Variants in KY observed in about 807,000 individuals in gnomAD.
KY encodes the protein kyphoscoliosis peptidase.
In KY, 43 loss-of-function variants were observed where a neutral mutation model predicts 76.1. The ratio of observed to expected loss-of-function variants is 0.57; its 90% confidence interval spans 0.44 to 0.73. The LOEUF (loss-of-function observed/expected upper bound fraction) is 0.73, where lower values mean the gene tolerates loss of function less well. KY is among the 30% of genes least tolerant of loss of function. KY has a pLI of 0.00. For synonymous variants in KY, 277 were observed against 326.2 expected (o/e 0.85, Z 1.63); for missense variants, 722 against 828.9 (o/e 0.87, Z 1.58).
intron 6 of KY, among the ~76,000 whole-genome samples, chr3:134,622,853 G>A (rs931746717): frequency 2.6e-5 from 4 of 152,050 alleles, no homozygotes; most frequent in African/African-American, 9.7e-5. Context: ...CCAGCTTGAG[G>A]GTACTCCAGG....
At chr3:134,607,990 C>T in intron 10 of KY, 1 of 1,029,092 alleles carries the variant, frequency 9.7e-7, no homozygotes, top group Non-Finnish European at 1.2e-6. Context: ...TGTCTAGCTA[C>T]TAGGCCTGTT....
intron 7 of KY, 78 bp downstream of exon 7, chr3:134,620,671 A>C (rs1560116131): frequency 2.0e-6 from 2 of 1,004,366 alleles, no homozygotes; most frequent in Non-Finnish European, 3.1e-6. Flanking sequence ...GCACACGTGA[A>C]TAAGCTGATA....
At chr3:134,629,925 G>A (rs971465668) in intron 3 of KY, among the ~76,000 whole-genome samples, 3 of 152,298 alleles carry the variant, frequency 2.0e-5, no homozygotes, top group Non-Finnish European at 4.4e-5. Flanking sequence ...CCCACTGAAT[G>A]CAATTATAAA....
rs188355343 is a variant in KY at position 134,635,179 on chromosome 3, C to T, written c.263-5484G>A. The stretch of plus-strand genomic sequence containing the variant: ...GTCCTTCAATGAGTGAATGGATAAA[C>T]AACCTGTGGTACATCCATATCAAGA... On this transcript the variant is annotated intron_variant, in intron 3 of 10. Transcript: ENST00000423778. 2.3e-3 allele frequency among the ~76,000 whole-genome samples: 344 copies of T among 152,296 alleles called. 2 individuals are homozygous for T. The highest frequency in any genetic ancestry group is 3.0e-3 in the Non-Finnish European group (201 of 68,024).
rs1054005681 is a variant in KY at position 134,607,741 on chromosome 3, A to G, written c.1090+908T>C. 6.1e-6 allele frequency: 6 copies of G among 985,634 alleles called. No individual in the cohort carries two copies. In the African/African-American group the frequency reaches 1.0e-4, roughly 17 times the overall value. The allele number at this position is 985,634 out of a possible 1,614,324, so 61.1% of individuals were successfully genotyped here. A position where few individuals can be genotyped will look rare whatever the true frequency, so the allele number is the denominator to read the frequency against. ...CTCAGCTGCCATGGCTCCGTGGTGA[A>G]GGTTGGGAGAGCACATGTCAGCCCA... On this transcript the variant is annotated intron_variant, in intron 10 of 10. Coordinates refer to ENST00000423778, the MANE Select transcript of KY (RefSeq NM_178554.6).
chr3:134,610,418 C>A, intron 8 of KY, 35 bp from the exon 9 acceptor site: 1 of 1,580,888 alleles, frequency 6.3e-7, no homozygotes, highest in South Asian at 1.1e-5. Flanking sequence ...GAGGGGGATC[C>A]CGCTGTGGCT....
chr3:134,625,258 G>T, intron 5 of KY, 123 bp from the exon 6 acceptor site: 1 of 767,122 alleles, frequency 1.3e-6, no homozygotes, highest in Non-Finnish European at 2.2e-6. Flanking sequence ...CTCAAAGCCT[G>T]AAACATTGAG....
chr3:134,613,555 A>G (rs139625205), intron 8 of KY, among the ~76,000 whole-genome samples: 82 of 152,358 alleles, frequency 5.4e-4, no homozygotes, highest in South Asian at 4.1e-3. Flanking sequence ...TATCATGGGC[A>G]GAGAGAAATG....
At position 134,619,261 on chromosome 3, in the gene KY, A is replaced by G; in HGVS notation, c.597T>C (p.Tyr199=). The G allele has an allele frequency of 6.2e-7, 1 of 1,612,834 alleles. No individual in the cohort carries two copies. Among genetic ancestry groups the G allele is most frequent in the Non-Finnish European group, 8.5e-7 (1 of 1,178,832 alleles). The change falls in exon 8 of 11, where the codon TAT becomes TAC. Residue 199 remains tyrosine (Y), a synonymous_variant. Transcript: ENST00000423778. ...CCTTCTCCTGAGCAGCTGCAATGTC[A>G]TACTCTATAGGGCAGGTGAGGGGAT... is the stretch of plus-strand genomic sequence containing the variant. ...IWIWICHHIE[Y]DIAAAQEKDR... is the part of the protein sequence containing the mutation.
chr3:134,618,295 G>A (rs1679816527), intron 8 of KY, among the ~76,000 whole-genome samples: 1 of 152,166 alleles, frequency 6.6e-6, no homozygotes, highest in Non-Finnish European at 1.5e-5. Context: ...CTGCCTGCCT[G>A]TGGACTAAGT....
At chr3:134,642,054 G>A (rs943663004) in intron 3 of KY, among the ~76,000 whole-genome samples, 1 of 152,150 alleles carries the variant, frequency 6.6e-6, no homozygotes, top group African/African-American at 2.4e-5. Flanking sequence ...GCCCACAGAG[G>A]TCTCTAAGGC....
chr3:134,608,919 A>G, intron 9 of KY, 80 bp from the exon 10 acceptor site: 6 of 1,488,352 alleles, frequency 4.0e-6, no homozygotes, highest in Non-Finnish European at 4.5e-6. Flanking sequence ...GAGTGGTCCT[A>G]TGGACACCCT....
At chr3:134,640,053 G>A in intron 3 of KY, 1 of 150,120 alleles carries the variant, frequency 6.7e-6, no homozygotes, top group East Asian at 2.0e-4. Context: ...ACCCACTACA[G>A]ATCCATCTCC....
At chr3:134,619,318 A>T (rs1264979900) in intron 7 of KY, 53 bp from the exon 8 acceptor site, 20 of 1,346,330 alleles carry the variant, frequency 1.5e-5, no homozygotes, top group Non-Finnish European at 2.1e-5. Context: ...AGGCGAGAAG[A>T]CTCCACCCCA....
In KY at chr3:134,620,862, G is replaced by A. The variant is rs1240955455; in HGVS notation, c.484-5C>T. 6.3e-7 allele frequency: 1 copy of A among 1,592,370 alleles called. No individual in the cohort carries two copies. Among genetic ancestry groups the A allele is most frequent in the Non-Finnish European group, 8.6e-7 (1 of 1,163,142 alleles). ...TAGGCCACTCTTGGCTGTCACCTGG[G>A]GAGCAGGAAGGGTGTGCTGTATTAG... On this transcript the variant is annotated splice_polypyrimidine_tract_variant and splice_region_variant and intron_variant, in intron 6 of 10. Coordinates refer to ENST00000423778, the MANE Select transcript of KY (RefSeq NM_178554.6).
intron 2 of KY, among the ~76,000 whole-genome samples, chr3:134,645,817 G>A (rs917120172): frequency 6.6e-6 from 1 of 152,172 alleles, no homozygotes. Flanking sequence ...TCTTTTACAA[G>A]AGTCTTATAA....
At chr3:134,605,002 C>T (rs994913801) in intron 10 of KY, among the ~76,000 whole-genome samples, 6 of 152,162 alleles carry the variant, frequency 3.9e-5, no homozygotes, top group East Asian at 1.9e-4. Context: ...GGGCAGTTCC[C>T]TGATCCCCAC....
intron 1 of KY, among the ~76,000 whole-genome samples, chr3:134,649,625 G>A (rs1039929233): frequency 6.6e-6 from 1 of 152,204 alleles, no homozygotes; most frequent in African/African-American, 2.4e-5. Flanking sequence ...AACAACTCCT[G>A]CTTCAGTCAG....
intron 1 of KY, 69 bp from the exon 2 acceptor site, chr3:134,647,566 T>C (rs1966584775): frequency 4.4e-6 from 4 of 909,902 alleles, no homozygotes; most frequent in Non-Finnish European, 7.1e-6. Flanking sequence ...GTTGCAGACT[T>C]ATCTAGGTTA....
Sources: allele counts gnomAD v4.1 joint callset (sites outside exome capture counted in the v4.1 genomes callset), GRCh38; gene constraint gnomAD v4.1.1; transcripts MANE v1.5; gene names NCBI Gene and HGNC (gene_info 2026-07-23, HGNC 2026-07-21).